PTBP1: variants seen among roughly 807,000 people sequenced by gnomAD.
The protein encoded by PTBP1 is polypyrimidine tract binding protein 1.
In PTBP1, 8 loss-of-function variants were observed where a neutral mutation model predicts 59.8. The observed-to-expected ratio is 0.13, with a 90% CI of 0.08 to 0.24. The LOEUF (loss-of-function observed/expected upper bound fraction) is 0.24. Among genes scored for constraint, PTBP1 ranks in the 10% least tolerant of loss-of-function variants. The pLI is 1.00. For synonymous variants in PTBP1, 490 were observed against 320.7 expected (o/e 1.53, Z -5.64); for missense variants, 686 against 767.0 (o/e 0.89, Z 1.25).
At chr19:805,268 C>G in intron 8 of PTBP1, 81 bp downstream of exon 8, 1 of 1,506,028 alleles carries the variant, frequency 6.6e-7, no homozygotes, top group Non-Finnish European at 9.1e-7. Context: ...CGGCACGGGC[C>G]CGGCCCTGCA....
chr19:811,893 G>A lies in PTBP1; in HGVS notation c.*1067G>A, dbSNP rs2034895286. On this transcript the variant is annotated 3_prime_UTR_variant, in exon 15 of 15. Transcript: ENST00000356948. ...TCATTTCTGTGTTTTGCCTGCCTCT[G>A]ATGCTGGGACCCGGAAGGCGGGCGC... is the stretch of plus-strand genomic sequence containing the variant. 1 of 150,970 alleles carries A rather than the reference G, an allele frequency of 6.6e-6. No homozygotes were observed. The highest frequency in any genetic ancestry group is 6.7e-5 in the Admixed American group (1 of 15,018). 9.4% of individuals were successfully genotyped at this position (150,970 alleles called of 1,614,324 possible).
Position 803,273 on chromosome 19 carries a change from C to T in PTBP1, c.40-288C>T, listed in dbSNP as rs113429780. Among the ~76,000 whole-genome samples, 472 of 152,304 alleles carry T rather than the reference C, an allele frequency of 3.1e-3. 4 individuals are homozygous for T. The highest frequency in any genetic ancestry group is 0.011 in the African/African-American group (452 of 41,568). ...CAGAGTTGGCCGTGGAGATAGTGTA[C>T]GTGGTGCCCTCCGTAGCTGAGAGCC... On this transcript the variant is annotated intron_variant, in intron 2 of 14. Coordinates refer to ENST00000356948, the MANE Select transcript of PTBP1 (RefSeq NM_002819.5).
In PTBP1 at chr19:804,458, A is replaced by G. The variant is rs1452299850; in HGVS notation, c.435+20A>G. 9 of 1,605,748 alleles carry G rather than the reference A, an allele frequency of 5.6e-6. No homozygotes were observed. The highest frequency in any genetic ancestry group is 7.6e-6 in the Non-Finnish European group (9 of 1,178,500). On this transcript the variant is annotated intron_variant, in intron 5 of 14. Transcript: ENST00000356948. ...CAGGCGGTGCGTGGCCCCGCGGCGG[A>G]CCCCAGCAGCCCGGGGACCTCGGGG...
Position 807,939 on chromosome 19 carries a change from A to G in PTBP1, c.1153+37A>G, listed in dbSNP as rs575611690. On this transcript the variant is annotated intron_variant, in intron 11 of 14. Transcript: ENST00000356948. The stretch of plus-strand genomic sequence containing the variant: ...TTCACACTTTTATTACCTTGTTTTC[A>G]TTAATTGAGATGATTTTGATGCCCT... 34 of 1,572,010 alleles carry G rather than the reference A, an allele frequency of 2.2e-5. No individual in the cohort carries two copies. In the East Asian group the frequency reaches 6.3e-4, roughly 29 times the overall value.
At chr19:802,755 C>T (rs560586747) in intron 2 of PTBP1, among the ~76,000 whole-genome samples, 1 of 152,350 alleles carries the variant, frequency 6.6e-6, no homozygotes, top group South Asian at 2.1e-4. Context: ...AAACGTGTGT[C>T]TTCAATCCTT....
intron 8 of PTBP1, 48 bp downstream of exon 8, chr19:805,235 G>A (rs1728523249): frequency 7.5e-6 from 12 of 1,599,276 alleles, no homozygotes; most frequent in African/African-American, 1.3e-5. Context: ...GGTCTATTAG[G>A]GCCGCTCAGT....
In PTBP1 at chr19:804,630, C is replaced by T. The variant is rs768566827; in HGVS notation, c.534C>T (p.Ala178=). 2.0e-5 allele frequency: 32 copies of T among 1,612,710 alleles called. No homozygotes were observed. The highest frequency in any genetic ancestry group is 1.8e-4 in the East Asian group (8 of 44,880). The part of the protein sequence containing the change: ...AAAVDAGMAM[A]GQSPVLRIIV... ...CCGTGGACGCAGGGATGGCGATGGC[C>T]GGGCAGAGCCCCGTGCTCAGGATCA... The change falls in exon 6 of 15, where the codon GCC becomes GCT. Residue 178 remains alanine (A), a synonymous_variant. Transcript: ENST00000356948.
At chr19:806,189 C>CCGGCCCGTG in intron 9 of PTBP1, 1 of 486,578 alleles carries the variant, frequency 2.1e-6, no homozygotes, top group Non-Finnish European at 3.6e-6. Context: ...CAGGCCCGGC[C>CCGGCCCGTG]CGGCCCGTGC....
Position 808,128 on chromosome 19 carries a change from C to T in PTBP1, c.1153+226C>T, listed in dbSNP as rs2054938274. 2 of 628,380 alleles carry T rather than the reference C, an allele frequency of 3.2e-6. No individual in the cohort carries two copies. The highest frequency in any genetic ancestry group is 5.7e-6 in the Non-Finnish European group (2 of 351,684). 38.9% of individuals were successfully genotyped at this position (628,380 alleles called of 1,614,324 possible). A position where few individuals can be genotyped will look rare whatever the true frequency, so the allele number is the denominator to read the frequency against. ...GAGTTAGACCTGTCGGTGGCATATG[C>T]CACCGTGGCCACCCGCTGGCAGCTT... On this transcript the variant is annotated intron_variant, in intron 11 of 14. Transcript: ENST00000356948. The surrounding 1 kb of genome is among the most constrained non-coding windows in gnomAD (Gnocchi z 4.7).
chr19:806,311 T>C lies in PTBP1; in HGVS notation c.971-97T>C, dbSNP rs547751115. ...GAGCCAGGGCCGCCTCCCGCGCGGCTCGGCTCCTCGGTGCATGAGGACGGG... is the reference window on the plus strand; with the variant it reads ...GAGCCAGGGCCGCCTCCCGCGCGGCCCGGCTCCTCGGTGCATGAGGACGGG... On this transcript the variant is annotated intron_variant, in intron 9 of 14. Coordinates refer to ENST00000356948, the MANE Select transcript of PTBP1 (RefSeq NM_002819.5). 4.1e-5 allele frequency: 55 copies of C among 1,352,224 alleles called. No individual in the cohort carries two copies. The South Asian group carries it at 7.9e-4, about 19-fold the overall frequency. 83.8% of individuals were successfully genotyped at this position (1,352,224 alleles called of 1,614,324 possible). A position where few individuals can be genotyped will look rare whatever the true frequency, so the allele number is the denominator to read the frequency against.
At chr19:798,189 G>C (rs1039889404) in intron 1 of PTBP1, among the ~76,000 whole-genome samples, 1 of 152,040 alleles carries the variant, frequency 6.6e-6, no homozygotes, top group Non-Finnish European at 1.5e-5. Flanking sequence ...CTCCGCCCCG[G>C]GGCCGGAGGG....
intron 1 of PTBP1, 142 bp from the exon 2 acceptor site, chr19:799,271 C>T (rs1178910835): frequency 5.0e-6 from 4 of 802,492 alleles, no homozygotes; most frequent in Non-Finnish European, 8.9e-6. Flanking sequence ...CTTTCTCTAG[C>T]GGGGCCTCGT....
intron 1 of PTBP1, among the ~76,000 whole-genome samples, chr19:798,915 T>G (rs535481728): frequency 4.7e-4 from 72 of 152,356 alleles, no homozygotes; most frequent in Admixed American, 3.9e-3. Context: ...CACGGCCGCC[T>G]CCTGCTCTCC....
chr19:806,325 C>A, intron 9 of PTBP1, 83 bp from the exon 10 acceptor site: 3 of 1,414,746 alleles, frequency 2.1e-6, no homozygotes, highest in Non-Finnish European at 2.8e-6. Context: ...CTCCTCGGTG[C>A]ATGAGGACGG....
In PTBP1 at chr19:804,447, C is replaced by G; in HGVS notation, c.435+9C>G. ...GCTCTCCCAACCAGGCGGTGCGTGG[C>G]CCCGCGGCGGACCCCAGCAGCCCGG... On this transcript the variant is annotated intron_variant, in intron 5 of 14. Coordinates refer to ENST00000356948, the MANE Select transcript of PTBP1 (RefSeq NM_002819.5). 1.2e-6 allele frequency: 2 copies of G among 1,608,554 alleles called. No individual in the cohort carries two copies. The highest frequency in any genetic ancestry group is 1.7e-6 in the Non-Finnish European group (2 of 1,179,422).
At chr19:801,429 C>T (rs1311467565) in intron 2 of PTBP1, among the ~76,000 whole-genome samples, 6 of 152,264 alleles carry the variant, frequency 3.9e-5, no homozygotes, top group South Asian at 2.1e-4. Flanking sequence ...TGCCAGGCCA[C>T]TTGCCCATGG....
chr19:806,275 G>A (rs1568271434), intron 9 of PTBP1, 133 bp from the exon 10 acceptor site: 3 of 1,072,002 alleles, frequency 2.8e-6, no homozygotes, highest in African/African-American at 1.7e-5. Flanking sequence ...CAGGCACCCA[G>A]GGTAGGGCCA....
At chr19:801,899 C>T (rs760336882) in intron 2 of PTBP1, among the ~76,000 whole-genome samples, 6 of 152,292 alleles carry the variant, frequency 3.9e-5, no homozygotes, top group Admixed American at 2.0e-4. Flanking sequence ...CGAGAGGACT[C>T]GAGGGTCTGT....
chr19:802,282 A>G (rs939613370), intron 2 of PTBP1, among the ~76,000 whole-genome samples: 2 of 152,146 alleles, frequency 1.3e-5, no homozygotes, highest in African/African-American at 4.8e-5. Context: ...CCTTCCAGGA[A>G]GCTCTTGAGC....
Sources: gnomAD v4.1 joint callset for allele counts (sites outside exome capture counted in the v4.1 genomes callset) on GRCh38, gnomAD v4.1.1 for gene constraint, Gnocchi (gnomAD v3.1) non-coding constraint, MANE v1.5 for transcripts, NCBI Gene and HGNC (gene_info 2026-07-23, HGNC 2026-07-21) for gene names.